Variants in LIMCH1 observed in about 807,000 individuals in gnomAD.
LIMCH1 encodes LIM and calponin homology domains 1.
LIMCH1 carries 113 observed loss-of-function variants against 176.5 expected under a neutral mutation model. The ratio of observed to expected loss-of-function variants is 0.64; its 90% CI spans 0.55 to 0.75. The LOEUF (loss-of-function observed/expected upper bound fraction) is 0.75, where lower values mean the gene tolerates loss of function less well. Among genes scored for constraint, LIMCH1 ranks in the 30% least tolerant of loss-of-function variants. The pLI is 0.00. For synonymous variants in LIMCH1, 619 were observed against 645.9 expected, an observed-to-expected ratio of 0.96 and a Z score of 0.63; for missense variants, 1,674 against 1,814.9, an observed-to-expected ratio of 0.92 and a Z score of 1.41.
At chr4:41,616,672 G>C (rs970079329) in intron 5 of LIMCH1, among the ~76,000 whole-genome samples, 3 of 152,098 alleles carry the variant, frequency 2.0e-5, no homozygotes, top group Non-Finnish European at 4.4e-5. Flanking sequence ...AACTTTTGAG[G>C]TGTCAGCCTC....
chr4:41,540,602 G>C (rs1361818988), intron 1 of LIMCH1, among the ~76,000 whole-genome samples: 1 of 152,116 alleles, frequency 6.6e-6, no homozygotes, highest in Non-Finnish European at 1.5e-5. Flanking sequence ...AGCCGGGTGT[G>C]GTGATGGGCA....
chr4:41,671,437 C>A lies in LIMCH1; in HGVS notation c.3398-117C>A, dbSNP rs967668143. The A allele has an allele frequency of 1.8e-5, 12 of 683,526 alleles. No homozygotes were observed. The African/African-American group carries it at 2.3e-4, about 13-fold the overall frequency. 42.3% of individuals were successfully genotyped at this position (683,526 alleles called of 1,614,324 possible). On this transcript the variant is annotated intron_variant, in intron 21 of 31. Coordinates refer to ENST00000503057, the MANE Select transcript of LIMCH1 (RefSeq NM_001330672.2). ...ACACACACACACACACACACACACA[C>A]ACAAAATTGGTTTAAAGCTGATGTA... is the stretch of plus-strand genomic sequence containing the variant.
In LIMCH1 at chr4:41,405,476, G is replaced by A. The variant is rs1009444289; in HGVS notation, c.96+44540G>A. 3.9e-5 allele frequency among the ~76,000 whole-genome samples: 6 copies of A among 152,134 alleles called. No homozygotes were observed. The East Asian group carries it at 9.7e-4, about 25-fold the overall frequency. The stretch of plus-strand genomic sequence containing the variant: ...AAAATTTCTTTTCTGATTAATCACC[G>A]TCCCCTTGATTCATCTTTGCTTGGT... On this transcript the variant is annotated intron_variant, in intron 1 of 26. Transcript: ENST00000313860.
At chr4:41,674,000 C>T (rs537069469) in intron 22 of LIMCH1, among the ~76,000 whole-genome samples, 2 of 152,278 alleles carry the variant, frequency 1.3e-5, no homozygotes, top group African/African-American at 4.8e-5. Context: ...CTGGTAACCC[C>T]GCCCTGGCCC....
rs1355339424 is a variant in LIMCH1 at position 41,613,003 on chromosome 4, C to G, written c.10-463C>G. 2.6e-6 allele frequency: 4 copies of G among 1,551,378 alleles called. No individual in the cohort carries two copies. In the African/African-American group the frequency reaches 5.5e-5, roughly 21 times the overall value. On this transcript the variant is annotated intron_variant, in intron 4 of 31. Coordinates refer to ENST00000503057, the MANE Select transcript of LIMCH1 (RefSeq NM_001330672.2). ...CAAAGACAAATGTTGCCTGTATTTG[C>G]CAGATAGTATAAACAGGAGCAAAAG...
chr4:41,543,452 A>G (rs2078946335), intron 1 of LIMCH1, among the ~76,000 whole-genome samples: 1 of 152,186 alleles, frequency 6.6e-6, no homozygotes. Flanking sequence ...TTACTCAAGT[A>G]AGACTGTAGG....
intron 1 of LIMCH1, among the ~76,000 whole-genome samples, chr4:41,404,807 A>G (rs1156682396): frequency 6.6e-6 from 1 of 152,106 alleles, no homozygotes; most frequent in Non-Finnish European, 1.5e-5. Flanking sequence ...ATTGATTAAC[A>G]ATATTGCATA....
chr4:41,459,164 GGC>G (rs1222684382), intron 1 of LIMCH1, among the ~76,000 whole-genome samples: 8 of 152,156 alleles, frequency 5.3e-5, no homozygotes, highest in Non-Finnish European at 7.3e-5. Flanking sequence ...TGAGTTTCAT[GGC>G]AGTAATTACA....
intron 1 of LIMCH1, among the ~76,000 whole-genome samples, chr4:41,594,798 G>A (rs1290374927): frequency 1.3e-5 from 2 of 152,170 alleles, no homozygotes; most frequent in Non-Finnish European, 2.9e-5. Flanking sequence ...TCCCAGATCT[G>A]TGTGTCTGGG....
rs77954141 is a variant in LIMCH1, at chr4:41,655,799, G to A, written c.3036+5191G>A. On this transcript the variant is annotated intron_variant, in intron 18 of 31. Coordinates refer to ENST00000503057, the MANE Select transcript of LIMCH1 (RefSeq NM_001330672.2). ...TCACCTCTTCCTCCCTAAGTGCTGG[G>A]ATTATAGGCATGAGCCACCATGCCT... is the stretch of plus-strand genomic sequence containing the variant. 6.9e-3 allele frequency among the ~76,000 whole-genome samples: 1,054 copies of A among 152,008 alleles called. 8 individuals carry two copies. The highest frequency in any genetic ancestry group is 0.011 in the Non-Finnish European group (748 of 67,972).
chr4:41,547,428 T>G (rs1301990689), intron 1 of LIMCH1, among the ~76,000 whole-genome samples: 1 of 151,912 alleles, frequency 6.6e-6, no homozygotes, highest in African/African-American at 2.4e-5. Context: ...TTCCTGTGCT[T>G]TTTATTCTTA....
At chr4:41,396,675 C>CAG (rs1431618320) in intron 1 of LIMCH1, among the ~76,000 whole-genome samples, 6 of 152,052 alleles carry the variant, frequency 3.9e-5, no homozygotes, top group Non-Finnish European at 7.4e-5. Flanking sequence ...CCGAGGTGGG[C>CAG]AGATCACTTG....
chr4:41,520,242 T>C (rs1021537712), intron 2 of LIMCH1, among the ~76,000 whole-genome samples: 1 of 152,130 alleles, frequency 6.6e-6, no homozygotes, highest in African/African-American at 2.4e-5. Context: ...GACCTCTTCC[T>C]TCTACTCACT....
chr4:41,519,450 T>C (rs2075905502), intron 2 of LIMCH1, among the ~76,000 whole-genome samples: 2 of 152,044 alleles, frequency 1.3e-5, no homozygotes, highest in South Asian at 4.1e-4. Flanking sequence ...AAAATTAACA[T>C]TTATTTTTGA....
chr4:41,573,036 T>A (rs1584307950), intron 1 of LIMCH1, among the ~76,000 whole-genome samples: 1 of 152,330 alleles, frequency 6.6e-6, no homozygotes, highest in Non-Finnish European at 1.5e-5. Flanking sequence ...GTGTAGGACT[T>A]TCAGATCTTC....
At chr4:41,673,802 T>C (rs762662832) in intron 22 of LIMCH1, among the ~76,000 whole-genome samples, 5 of 152,198 alleles carry the variant, frequency 3.3e-5, no homozygotes, top group Non-Finnish European at 7.4e-5. Flanking sequence ...GAGGAAGATA[T>C]GGACTTGTAA....
intron 1 of LIMCH1, among the ~76,000 whole-genome samples, chr4:41,388,348 A>G (rs1561208090): frequency 6.6e-6 from 1 of 152,244 alleles, no homozygotes; most frequent in Non-Finnish European, 1.5e-5. Flanking sequence ...ACCAAACCTC[A>G]AAAACATTAT....
chr4:41,524,434 C>T, exon 3 of LIMCH1: 2 of 1,613,906 alleles, frequency 1.2e-6, no homozygotes, highest in Non-Finnish European at 1.7e-6. Context: ...AAAGCCAGGA[C>T]TTGTTAAAAA....
chr4:41,473,468 G>T (rs543006588), intron 1 of LIMCH1, among the ~76,000 whole-genome samples: 1 of 152,314 alleles, frequency 6.6e-6, no homozygotes, highest in African/African-American at 2.4e-5. Flanking sequence ...CAACTGGTCT[G>T]TTTTGCTGGT....
Sources: gnomAD v4.1 joint callset for allele counts (sites outside exome capture counted in the v4.1 genomes callset) on GRCh38, gnomAD v4.1.1 for gene constraint, MANE v1.5 for transcripts, NCBI Gene and HGNC (gene_info 2026-07-23, HGNC 2026-07-21) for gene names.